PLEKHA5: variants seen among roughly 807,000 people sequenced by gnomAD.
The protein encoded by PLEKHA5 is pleckstrin homology domain containing A5.
In PLEKHA5, 55 loss-of-function variants were observed where a neutral mutation model predicts 181.9. The ratio of observed to expected loss-of-function variants is 0.30; its 90% CI spans 0.24 to 0.38. The LOEUF is 0.38. Among genes scored for constraint, PLEKHA5 ranks in the 10% least tolerant of loss-of-function variants. PLEKHA5 has a pLI of 1.00. For missense variants in PLEKHA5, 1,432 were observed against 1,549.5 expected (o/e 0.92, Z 1.27); for synonymous variants, 535 against 529.4 (o/e 1.01, Z -0.15).
At chr12:19,218,452 T>A (rs2058373789) in intron 3 of PLEKHA5, among the ~76,000 whole-genome samples, 1 of 152,174 alleles carries the variant, frequency 6.6e-6, no homozygotes, top group Non-Finnish European at 1.5e-5. Context: ...GGATAAAGAT[T>A]GGAATGCTAA....
intron 3 of PLEKHA5, among the ~76,000 whole-genome samples, chr12:19,133,580 G>A (rs2034668749): frequency 6.6e-6 from 1 of 151,934 alleles, no homozygotes; most frequent in African/African-American, 2.4e-5. Flanking sequence ...TTAAGATCAT[G>A]TTATACTTCC....
chr12:19,248,633 G>C (rs1275355102), intron 3 of PLEKHA5, among the ~76,000 whole-genome samples: 1 of 151,998 alleles, frequency 6.6e-6, no homozygotes, highest in Non-Finnish European at 1.5e-5. Context: ...ATATAGCCTA[G>C]GTTTATATAT....
intron 23 of PLEKHA5, 96 bp downstream of exon 23, chr12:19,345,984 T>A (rs1341972485): frequency 1.6e-6 from 1 of 617,500 alleles, no homozygotes; most frequent in African/African-American, 1.9e-5. Context: ...AACAAAAATA[T>A]TTTTTAAATA....
At chr12:19,248,092 G>T (rs369504389) in intron 3 of PLEKHA5, among the ~76,000 whole-genome samples, 1 of 151,948 alleles carries the variant, frequency 6.6e-6, no homozygotes, top group Non-Finnish European at 1.5e-5. Context: ...GTGTGATGGC[G>T]TGCACCTTTA....
intron 20 of PLEKHA5, among the ~76,000 whole-genome samples, chr12:19,328,385 T>G (rs1445129171): frequency 6.6e-6 from 1 of 152,228 alleles, no homozygotes; most frequent in Non-Finnish European, 1.5e-5. Flanking sequence ...GAAATGACAT[T>G]GAATCTGTAG....
At chr12:19,217,615 T>C (rs2058197809) in intron 3 of PLEKHA5, among the ~76,000 whole-genome samples, 3 of 152,186 alleles carry the variant, frequency 2.0e-5, no homozygotes, top group Admixed American at 2.0e-4. Flanking sequence ...AAATTCTCCC[T>C]GGGTCAGAGC....
At position 19,274,633 on chromosome 12, in the gene PLEKHA5, A is replaced by C; in HGVS notation, c.963A>C (p.Lys321Asn). Residue 321 changes from lysine to asparagine, a missense_variant, in exon 11 of 32, where the codon AAA becomes AAC. Around this residue, in one of 2 missense-constraint regions of PLEKHA5, gnomAD observed 1,143 missense variants for 1,168.4 expected, o/e 0.98. Coordinates refer to ENST00000429027, the MANE Select transcript of PLEKHA5 (RefSeq NM_001256470.2). ...QNNQKNKEMS[K>N]IEEKKALEAE... ...ATCAAAAAAACAAGGAAATGAGCAA[A>C]ATTGAAGAAAAAAAGGCATTAGAAG... The C allele has an allele frequency of 6.2e-7, 1 of 1,613,746 alleles. No individual in the cohort carries two copies. The highest frequency in any genetic ancestry group is 8.5e-7 in the Non-Finnish European group (1 of 1,179,632).
chr12:19,234,373 C>T (rs542635225), intron 3 of PLEKHA5, among the ~76,000 whole-genome samples: 1 of 152,272 alleles, frequency 6.6e-6, no homozygotes, highest in Non-Finnish European at 1.5e-5. Context: ...GGGACCTTAT[C>T]TTATGGCCCC....
At chr12:19,168,297 T>C (rs2045023217) in intron 3 of PLEKHA5, among the ~76,000 whole-genome samples, 1 of 152,222 alleles carries the variant, frequency 6.6e-6, no homozygotes, top group Admixed American at 6.5e-5. Flanking sequence ...TGAAATTGTG[T>C]ATTTGGATTC....
At chr12:19,241,284 G>C (rs888665311) in intron 3 of PLEKHA5, among the ~76,000 whole-genome samples, 1 of 152,136 alleles carries the variant, frequency 6.6e-6, no homozygotes, top group Admixed American at 6.6e-5. Context: ...TTGTTGTGCT[G>C]CTGGTTTGGT....
At position 19,347,098 on chromosome 12, in the gene PLEKHA5, C is replaced by G. The variant is rs1434748354; in HGVS notation, c.2814C>G (p.Leu938=). ...TGCCCAGTGATAGCAGCTCCTTGCT[C>G]TGTTATAGCAGGGGCCCAGTTCATC... The part of the protein sequence containing the change: ...PPLPSDSSSL[L]CYSRGPVHLP... The change falls in exon 24 of 32, where the codon CTC becomes CTG. Residue 938 remains leucine, a synonymous_variant. Transcript: ENST00000429027. 1 of 1,550,086 alleles carries G rather than the reference C, an allele frequency of 6.5e-7. No homozygotes were observed. The highest frequency in any genetic ancestry group is 1.4e-5 in the African/African-American group (1 of 73,016).
chr12:19,300,242 A>G (rs879748931), intron 15 of PLEKHA5, among the ~76,000 whole-genome samples: 2 of 152,188 alleles, frequency 1.3e-5, no homozygotes, highest in Admixed American at 6.5e-5. Flanking sequence ...TAAAAATTCT[A>G]TTTTAACTTC....
chr12:19,166,969 AAGTCACTAAACATATATTCG>A (rs1343408410), intron 3 of PLEKHA5, among the ~76,000 whole-genome samples: 1 of 152,218 alleles, frequency 6.6e-6, no homozygotes, highest in Non-Finnish European at 1.5e-5. Context: ...ACAATTAAAG[AAGTCACTAAACATATATTCG>A]AGACAGATGA....
intron 15 of PLEKHA5, among the ~76,000 whole-genome samples, chr12:19,296,744 A>C (rs1404927710): frequency 6.6e-6 from 1 of 152,146 alleles, no homozygotes; most frequent in African/African-American, 2.4e-5. Context: ...GAATGAAATT[A>C]GGCGTTTAGA....
At chr12:19,203,216 G>A (rs1481870437) in intron 3 of PLEKHA5, among the ~76,000 whole-genome samples, 4 of 152,052 alleles carry the variant, frequency 2.6e-5, no homozygotes, top group African/African-American at 4.8e-5. Context: ...TTTGAAATGA[G>A]TAAGTACTAT....
At chr12:19,149,076 A>C (rs902736974) in intron 3 of PLEKHA5, among the ~76,000 whole-genome samples, 6 of 152,244 alleles carry the variant, frequency 3.9e-5, no homozygotes, top group Non-Finnish European at 7.3e-5. Flanking sequence ...TCATTACAGA[A>C]GATGACCCTG....
chr12:19,211,959 G>T (rs1422364802), intron 3 of PLEKHA5, among the ~76,000 whole-genome samples: 1 of 152,310 alleles, frequency 6.6e-6, no homozygotes, highest in East Asian at 1.9e-4. Flanking sequence ...TGGAAGGTCA[G>T]ATAAACAACT....
intron 16 of PLEKHA5, among the ~76,000 whole-genome samples, chr12:19,317,910 T>C: frequency 6.9e-6 from 1 of 145,360 alleles, no homozygotes; most frequent in African/African-American, 2.5e-5. Flanking sequence ...AATGAAGTAT[T>C]CAAACCAAAC....
intron 20 of PLEKHA5, among the ~76,000 whole-genome samples, chr12:19,335,821 A>G (rs1205905028): frequency 6.6e-6 from 1 of 151,998 alleles, no homozygotes; most frequent in Non-Finnish European, 1.5e-5. Flanking sequence ...CAGTAGAGAC[A>G]GGGTTTCACC....
Sources: allele counts gnomAD v4.1 joint callset (sites outside exome capture counted in the v4.1 genomes callset), GRCh38; gene constraint gnomAD v4.1.1; regional missense constraint gnomAD v4.1.1; transcripts MANE v1.5; gene names NCBI Gene and HGNC (gene_info 2026-07-23, HGNC 2026-07-21).